Variants in CREBBP observed in about 807,000 individuals in gnomAD.
CREBBP encodes CREB binding lysine acetyltransferase.
CREBBP carries 19 observed loss-of-function variants against 265.0 expected under a neutral mutation model. The ratio of observed to expected loss-of-function variants is 0.07; its 90% confidence interval spans 0.05 to 0.11. CREBBP has a LOEUF of 0.11. Among genes scored for constraint, CREBBP ranks in the 10% least tolerant of loss-of-function variants. The probability of loss-of-function intolerance (pLI) is 1.00; values close to 1 mark genes in which losing one functional copy is unlikely to be tolerated. For synonymous variants in CREBBP, 1,457 were observed against 1,223.7 expected, an observed-to-expected ratio of 1.19 and a Z score of -3.98; for missense variants, 2,525 against 3,219.0, an observed-to-expected ratio of 0.78 and a Z score of 5.22.
In CREBBP at chr16:3,731,999, C is replaced by T. The variant is rs2151320155; in HGVS notation, c.4729-62G>A. ...GCCCCTCCACACTTGGCACGGACGC[C>T]CAGCTCCCAGGCCGTGGGCATCAGG... On this transcript the variant is annotated intron_variant, in intron 28 of 30. Coordinates refer to ENST00000262367, the MANE Select transcript of CREBBP (RefSeq NM_004380.3). The surrounding 1 kb of genome is among the most constrained non-coding windows in gnomAD (Gnocchi z 7.7). The T allele has an allele frequency of 6.2e-7, 1 of 1,612,842 alleles. No homozygotes were observed. The highest frequency in any genetic ancestry group is 8.5e-7 in the Non-Finnish European group (1 of 1,179,994).
chr16:3,746,866 G>T (rs1251435233), intron 21 of CREBBP, among the ~76,000 whole-genome samples: 1 of 152,108 alleles, frequency 6.6e-6, no homozygotes, highest in African/African-American at 2.4e-5. Flanking sequence ...GACTGCTTGG[G>T]TCTGGGAGGT....
chr16:3,799,848 C>A (rs961948342), intron 3 of CREBBP, among the ~76,000 whole-genome samples: 1 of 152,016 alleles, frequency 6.6e-6, no homozygotes, highest in Non-Finnish European at 1.5e-5. Context: ...TTTAAGGCAA[C>A]GAATTACTAA....
chr16:3,859,397 T>C (rs1224582722), intron 1 of CREBBP, among the ~76,000 whole-genome samples: 1 of 152,158 alleles, frequency 6.6e-6, no homozygotes. Context: ...TTTCACCATG[T>C]TGGCCAGAAT....
chr16:3,725,197 T>TA lies in CREBBP; in HGVS notation c.*2520dup, dbSNP rs1476999484. On this transcript the variant is annotated 3_prime_UTR_variant, in exon 31 of 31. Coordinates refer to ENST00000262367, the MANE Select transcript of CREBBP (RefSeq NM_004380.3). ...CAGCGTTGGGGCTTTCCAGGTTTCTTACAGAAATTTCCTTACGACAAACTT... is the reference window on the plus strand; with the variant it reads ...CAGCGTTGGGGCTTTCCAGGTTTCTTAACAGAAATTTCCTTACGACAAACTT... 4.3e-6 allele frequency: 1 copy of TA among 233,460 alleles called. No individual in the cohort carries two copies. 14.5% of individuals were successfully genotyped at this position (233,460 alleles called of 1,614,324 possible). A position where few individuals can be genotyped will look rare whatever the true frequency, so the allele number is the denominator to read the frequency against.
chr16:3,778,924 T>A (rs932739972), intron 8 of CREBBP, 107 bp from the exon 9 acceptor site: 3 of 904,228 alleles, frequency 3.3e-6, no homozygotes, highest in Non-Finnish European at 1.8e-6. Flanking sequence ...CCCAGCACTT[T>A]GGGAGGCTGA....
intron 19 of CREBBP, among the ~76,000 whole-genome samples, chr16:3,752,230 C>T (rs1272295270): frequency 2.6e-5 from 4 of 152,118 alleles, no homozygotes; most frequent in Admixed American, 6.6e-5. Flanking sequence ...TGTTCTTACT[C>T]AGAGAAAGTC....
At chr16:3,877,465 C>T (rs1198377565) in intron 1 of CREBBP, among the ~76,000 whole-genome samples, 1 of 152,160 alleles carries the variant, frequency 6.6e-6, no homozygotes, top group Non-Finnish European at 1.5e-5. Flanking sequence ...TGCAGTGGCG[C>T]GATCTTGGCT....
At chr16:3,767,127 C>T (rs1356206837) in intron 16 of CREBBP, among the ~76,000 whole-genome samples, 2 of 152,130 alleles carry the variant, frequency 1.3e-5, no homozygotes, top group African/African-American at 4.8e-5. Flanking sequence ...CAAATGGATT[C>T]CATCCAACTT....
chr16:3,776,534 C>T (rs2053141953), intron 11 of CREBBP, among the ~76,000 whole-genome samples: 1 of 152,148 alleles, frequency 6.6e-6, no homozygotes, highest in South Asian at 2.1e-4. Flanking sequence ...GGGCTTAACC[C>T]CTAGGGCCAA....
intron 1 of CREBBP, among the ~76,000 whole-genome samples, chr16:3,862,042 A>G (rs1415256582): frequency 1.3e-5 from 2 of 152,216 alleles, no homozygotes; most frequent in Non-Finnish European, 2.9e-5. Flanking sequence ...CACTCGGTGC[A>G]GGACCGGCTG....
At chr16:3,757,667 G>A (rs1466021185) in intron 18 of CREBBP, 142 bp downstream of exon 18, 9 of 1,243,846 alleles carry the variant, frequency 7.2e-6, no homozygotes, top group Admixed American at 2.0e-5. Context: ...CCATCACATC[G>A]CTTCAGGCAT....
chr16:3,846,787 C>A (rs1597045724), intron 2 of CREBBP, among the ~76,000 whole-genome samples: 1 of 152,184 alleles, frequency 6.6e-6, no homozygotes, highest in South Asian at 2.1e-4. Flanking sequence ...CCTCTCTCTA[C>A]GCCTCTATAC....
At chr16:3,816,235 T>C (rs765389557) in intron 2 of CREBBP, among the ~76,000 whole-genome samples, 3 of 152,322 alleles carry the variant, frequency 2.0e-5, no homozygotes, top group African/African-American at 4.8e-5. Context: ...TTAAAAAGCA[T>C]TGTGACCAAG....
rs2054744437 is a variant in CREBBP, at chr16:3,849,421, GTGT to G, written c.798+873_798+875del. Among the ~76,000 whole-genome samples, 17 of 8,584 alleles carry G rather than the reference GTGT, an allele frequency of 2.0e-3. 2 individuals carry two copies. The highest frequency in any genetic ancestry group is 2.5e-3 in the African/African-American group (17 of 6,862). The allele number at this position is 8,584 out of a possible 152,430, so 5.6% of individuals were successfully genotyped here. On this transcript the variant is annotated intron_variant, in intron 2 of 30. Coordinates refer to ENST00000262367, the MANE Select transcript of CREBBP (RefSeq NM_004380.3). Reference sequence around the variant, plus strand: ...TGTGTGTGTGTGTGTGTGTGTGTGTGTGTGTGTGTGTGTGTGTGTGTGTGTGTG... The same window carrying G: ...TGTGTGTGTGTGTGTGTGTGTGTGTGGTGTGTGTGTGTGTGTGTGTGTGTG...
rs999643212 is a variant in CREBBP at position 3,873,858 on chromosome 16, T to C, written c.85+5974A>G. On this transcript the variant is annotated intron_variant, in intron 1 of 30. Coordinates refer to ENST00000262367, the MANE Select transcript of CREBBP (RefSeq NM_004380.3). ...GGCAATCTGCTTGAAAGTAAAACCT[T>C]AACAAGAAAATGATAAGAACTTTAA... Among the ~76,000 whole-genome samples the C allele has an allele frequency of 2.8e-4, 42 of 152,094 alleles. 1 individual carries two copies. The highest frequency in any genetic ancestry group is 3.2e-3 in the Middle Eastern group (1 of 316).
chr16:3,743,884 C>A (rs1228475341), intron 23 of CREBBP, among the ~76,000 whole-genome samples: 1 of 152,140 alleles, frequency 6.6e-6, no homozygotes, highest in African/African-American at 2.4e-5. Context: ...TGAGACCGTC[C>A]TGGCCAACAT....
At chr16:3,841,746 T>C (rs1349314030) in intron 2 of CREBBP, among the ~76,000 whole-genome samples, 1 of 152,212 alleles carries the variant, frequency 6.6e-6, no homozygotes, top group African/African-American at 2.4e-5. Context: ...TTACTGACTA[T>C]ATTCTGCTAA....
chr16:3,779,178 A>G (rs1346349510), intron 8 of CREBBP, among the ~76,000 whole-genome samples: 4 of 139,352 alleles, frequency 2.9e-5, no homozygotes, highest in Non-Finnish European at 4.7e-5. Flanking sequence ...AAAAAAGAAG[A>G]AAAAAAAAAA....
At chr16:3,769,120 A>AC in intron 15 of CREBBP, 54 bp downstream of exon 15, 2 of 1,603,876 alleles carry the variant, frequency 1.2e-6, no homozygotes, top group Non-Finnish European at 1.7e-6. Flanking sequence ...GCCCGAGGAC[A>AC]CCTGGGTAAA....
Sources: allele counts gnomAD v4.1 joint callset (sites outside exome capture counted in the v4.1 genomes callset), GRCh38; gene constraint gnomAD v4.1.1; non-coding constraint Gnocchi (gnomAD v3.1); transcripts MANE v1.5; gene names NCBI Gene and HGNC (gene_info 2026-07-23, HGNC 2026-07-21).